The following MYO3B variants were observed in gnomAD, a reference collection of about 807,000 sequenced individuals.
MYO3B encodes the protein myosin IIIB.
Under a neutral mutation model 174.6 loss-of-function variants are expected in MYO3B, and 156 were observed. The ratio of observed to expected loss-of-function variants is 0.89; its 90% CI spans 0.78 to 1.02. The LOEUF is 1.02. MYO3B is among the 50% of genes least tolerant of loss of function. MYO3B has a pLI of 0.00. For missense variants in MYO3B, 1,632 were observed against 1,639.4 expected, an observed-to-expected ratio of 1.00 and a Z score of 0.08; for synonymous variants, 563 against 569.1, an observed-to-expected ratio of 0.99 and a Z score of 0.15.
At chr2:170,271,680 TGAAG>T (rs2093426122) in intron 7 of MYO3B, among the ~76,000 whole-genome samples, 1 of 152,200 alleles carries the variant, frequency 6.6e-6, no homozygotes, top group Non-Finnish European at 1.5e-5. Context: ...TGCTATCTTG[TGAAG>T]GCATGTATCA....
At chr2:170,402,494 A>T (rs1287876969) in intron 18 of MYO3B, among the ~76,000 whole-genome samples, 1 of 152,132 alleles carries the variant, frequency 6.6e-6, no homozygotes, top group Non-Finnish European at 1.5e-5. Context: ...TCTGAAGAGT[A>T]CTCTTCCAGT....
At position 170,653,099 on chromosome 2, in the gene MYO3B, G is replaced by A; in HGVS notation, c.4004G>A (p.Gly1335Glu). The change falls in exon 35 of 35, where the codon GGA (glycine) becomes GAA (glutamate). Residue 1335 changes from glycine to glutamate, a missense_variant. Coordinates refer to ENST00000408978, the MANE Select transcript of MYO3B (RefSeq NM_138995.5). ...TCCTTTTTTTCTTCATCCTCAAAAG[G>A]AGACTCTTTTGCTCAACATTAAATT... Reference protein sequence around the residue: ...HPSFFSSSSKGDSFAQH With the variant: ...HPSFFSSSSKEDSFAQH 1 of 1,614,086 alleles carries A rather than the reference G, an allele frequency of 6.2e-7. No homozygotes were observed. The highest frequency in any genetic ancestry group is 8.5e-7 in the Non-Finnish European group (1 of 1,180,032).
intron 20 of MYO3B, 60 bp from the exon 21 acceptor site, chr2:170,405,485 T>C: frequency 6.5e-7 from 1 of 1,544,910 alleles, no homozygotes; most frequent in Non-Finnish European, 8.9e-7. Flanking sequence ...GAGGAACAAG[T>C]TTTTGTTTGA....
In MYO3B at chr2:170,648,555, G is replaced by A. The variant is rs116576492; in HGVS notation, c.3734-3073G>A. ...CTAAGGCAGGAGCATCGCTTGAGGCGGAGGCTACAGTGAGCTGAGATCGTG... is the reference window on the plus strand; with the variant it reads ...CTAAGGCAGGAGCATCGCTTGAGGCAGAGGCTACAGTGAGCTGAGATCGTG... On this transcript the variant is annotated intron_variant, in intron 32 of 34. Transcript: ENST00000408978. 8.4e-3 allele frequency among the ~76,000 whole-genome samples: 1,264 copies of A among 150,126 alleles called. 18 individuals carry two copies. Among genetic ancestry groups the A allele is most frequent in the African/African-American group, 0.028 (1,131 of 40,836 alleles).
At chr2:170,433,156 A>G (rs1194728950) in intron 22 of MYO3B, among the ~76,000 whole-genome samples, 2 of 152,210 alleles carry the variant, frequency 1.3e-5, no homozygotes, top group Non-Finnish European at 1.5e-5. Flanking sequence ...ATACACAAAT[A>G]CTTTCCATTG....
intron 32 of MYO3B, among the ~76,000 whole-genome samples, chr2:170,589,407 G>A (rs1169667877): frequency 6.6e-6 from 1 of 152,212 alleles, no homozygotes; most frequent in African/African-American, 2.4e-5. Flanking sequence ...TGTCATAGGA[G>A]ATGACAGATC....
intron 25 of MYO3B, among the ~76,000 whole-genome samples, chr2:170,475,533 G>A (rs1309974617): frequency 6.6e-6 from 1 of 152,154 alleles, no homozygotes; most frequent in Non-Finnish European, 1.5e-5. Context: ...GGGATTACAG[G>A]TGTGAGCCAC....
At chr2:170,410,751 G>C (rs1002702593) in intron 22 of MYO3B, among the ~76,000 whole-genome samples, 1 of 152,126 alleles carries the variant, frequency 6.6e-6, no homozygotes, top group African/African-American at 2.4e-5. Flanking sequence ...TGATCTTGGT[G>C]GTGGTTACAT....
intron 23 of MYO3B, among the ~76,000 whole-genome samples, chr2:170,459,515 T>C (rs1303354877): frequency 6.6e-6 from 1 of 152,158 alleles, no homozygotes; most frequent in Admixed American, 6.5e-5. Context: ...TACAAACCTT[T>C]AACTAGACAT....
intron 22 of MYO3B, among the ~76,000 whole-genome samples, chr2:170,424,837 A>G (rs2094648188): frequency 6.6e-6 from 1 of 152,226 alleles, no homozygotes; most frequent in African/African-American, 2.4e-5. Flanking sequence ...TGCTAAGTAT[A>G]GAAAACATAG....
At position 170,233,937 on chromosome 2, in the gene MYO3B, C is replaced by T. The variant is rs192504619; in HGVS notation, c.604-2054C>T. Among the ~76,000 whole-genome samples the T allele has an allele frequency of 2.9e-3, 447 of 151,936 alleles. 1 individual carries two copies. The highest frequency in any genetic ancestry group is 0.01 in the African/African-American group (428 of 41,434). On this transcript the variant is annotated intron_variant, in intron 6 of 34. Transcript: ENST00000408978. ...CTGTAATCCCAGCACTTTGGGAGGCCGAGGCGGGTGGATCACGAGGTCAGG... is the reference window on the plus strand; with the variant it reads ...CTGTAATCCCAGCACTTTGGGAGGCTGAGGCGGGTGGATCACGAGGTCAGG...
intron 23 of MYO3B, among the ~76,000 whole-genome samples, chr2:170,451,098 C>A (rs536075840): frequency 6.6e-6 from 1 of 152,316 alleles, no homozygotes; most frequent in African/African-American, 2.4e-5. Context: ...AAACCATATT[C>A]CCATGCCTTC....
chr2:170,374,758 TACACACACAC>T (rs201921789), intron 9 of MYO3B, among the ~76,000 whole-genome samples: 106 of 140,060 alleles, frequency 7.6e-4, no homozygotes, highest in South Asian at 5.7e-3. Flanking sequence ...TATGCATACA[TACACACACAC>T]ACACACACAC....
chr2:170,474,433 G>A (rs1282747386), intron 25 of MYO3B, among the ~76,000 whole-genome samples: 2 of 151,870 alleles, frequency 1.3e-5, no homozygotes, highest in African/African-American at 4.8e-5. Context: ...GGGATGGATA[G>A]GCTAAAACGA....
At chr2:170,513,151 T>C (rs1688085933) in intron 28 of MYO3B, among the ~76,000 whole-genome samples, 1 of 152,164 alleles carries the variant, frequency 6.6e-6, no homozygotes, top group Admixed American at 6.5e-5. Flanking sequence ...TCCTTCTCTT[T>C]CTTCTAATTT....
chr2:170,528,368 A>T (rs77280022), intron 30 of MYO3B, among the ~76,000 whole-genome samples: 1,952 of 152,128 alleles, frequency 0.013, 41 homozygotes, highest in African/African-American at 0.044. Context: ...GTTTTCTTAT[A>T]TCCCATGCCT....
intron 22 of MYO3B, among the ~76,000 whole-genome samples, chr2:170,442,088 C>T (rs2094804882): frequency 6.6e-6 from 1 of 151,890 alleles, no homozygotes; most frequent in African/African-American, 2.4e-5. Context: ...TGGTAATTTC[C>T]TTTTATTTCT....
chr2:170,495,057 G>C (rs1575071492), intron 25 of MYO3B, among the ~76,000 whole-genome samples: 1 of 152,204 alleles, frequency 6.6e-6, no homozygotes. Context: ...ATTCTACTTA[G>C]AAGAGGCAGC....
intron 28 of MYO3B, among the ~76,000 whole-genome samples, chr2:170,502,262 C>T (rs892104602): frequency 6.6e-6 from 1 of 152,172 alleles, no homozygotes; most frequent in Non-Finnish European, 1.5e-5. Context: ...CTTTCCCTCT[C>T]GGAGTCATAT....
Sources: gnomAD v4.1 joint callset for allele counts (sites outside exome capture counted in the v4.1 genomes callset) on GRCh38, gnomAD v4.1.1 for gene constraint, MANE v1.5 for transcripts, NCBI Gene and HGNC (gene_info 2026-07-23, HGNC 2026-07-21) for gene names.